PRKCE: variants seen among roughly 807,000 people sequenced by gnomAD.
PRKCE encodes the protein protein kinase C epsilon.
Under a neutral mutation model 85.4 loss-of-function variants are expected in PRKCE, and 16 were observed. The observed-to-expected ratio is 0.19, with a 90% CI of 0.13 to 0.28. PRKCE has a LOEUF of 0.28. Among genes scored for constraint, PRKCE ranks in the 10% least tolerant of loss-of-function variants. The pLI, the probability that PRKCE is intolerant of heterozygous loss-of-function variation, is 1.00. For missense variants in PRKCE, 573 were observed against 975.2 expected, an observed-to-expected ratio of 0.59 and a Z score of 5.49; for synonymous variants, 388 against 371.5, an observed-to-expected ratio of 1.04 and a Z score of -0.51.
At chr2:45,823,520 C>G (rs1051957846) in intron 1 of PRKCE, among the ~76,000 whole-genome samples, 1 of 152,190 alleles carries the variant, frequency 6.6e-6, no homozygotes. Flanking sequence ...GGATTTTCTT[C>G]TACTTGACTA....
intron 1 of PRKCE, among the ~76,000 whole-genome samples, chr2:45,712,681 GGCCTTTT>G (rs958939253): frequency 6.6e-6 from 1 of 152,068 alleles, no homozygotes; most frequent in Non-Finnish European, 1.5e-5. Flanking sequence ...TGCCTGGAAG[GGCCTTTT>G]GCCTTTTTTC....
intron 1 of PRKCE, among the ~76,000 whole-genome samples, chr2:45,660,187 G>C (rs758955097): frequency 4.7e-4 from 72 of 152,146 alleles, no homozygotes; most frequent in Admixed American, 3.3e-4. Context: ...CTGCCTCTGA[G>C]GAGCATGGCA....
At chr2:45,986,257 T>C (rs1023861780) in intron 6 of PRKCE, among the ~76,000 whole-genome samples, 2 of 152,226 alleles carry the variant, frequency 1.3e-5, no homozygotes, top group Non-Finnish European at 2.9e-5. Context: ...GCAGGAGCTG[T>C]CTTAGTGGGA....
intron 1 of PRKCE, among the ~76,000 whole-genome samples, chr2:45,820,347 A>G (rs1431501295): frequency 6.6e-6 from 1 of 152,092 alleles, no homozygotes; most frequent in African/African-American, 2.4e-5. Context: ...GAACTCCAGG[A>G]TCGAGAGGGT....
chr2:45,889,719 C>T (rs932714571), intron 2 of PRKCE, among the ~76,000 whole-genome samples: 7 of 152,178 alleles, frequency 4.6e-5, no homozygotes, highest in African/African-American at 1.4e-4. Flanking sequence ...GTTGTATCTG[C>T]AGAATTATGA....
chr2:45,764,328 G>A (rs1684741281), intron 1 of PRKCE, among the ~76,000 whole-genome samples: 1 of 152,138 alleles, frequency 6.6e-6, no homozygotes, highest in Non-Finnish European at 1.5e-5. Flanking sequence ...TCAAACACGT[G>A]GTTTAAGAGC....
At chr2:45,965,101 T>G (rs1335740305) in intron 2 of PRKCE, among the ~76,000 whole-genome samples, 3 of 152,254 alleles carry the variant, frequency 2.0e-5, no homozygotes, top group Non-Finnish European at 4.4e-5. Context: ...CAGACGTTTC[T>G]GATTCTTATT....
At chr2:45,735,145 C>T (rs918180161) in intron 1 of PRKCE, among the ~76,000 whole-genome samples, 1 of 152,212 alleles carries the variant, frequency 6.6e-6, no homozygotes, top group South Asian at 2.1e-4. Context: ...GAGCCCTGGG[C>T]GCATGATGTG....
intron 6 of PRKCE, among the ~76,000 whole-genome samples, chr2:45,989,281 G>A (rs1005869209): frequency 2.0e-5 from 3 of 152,194 alleles, no homozygotes; most frequent in Non-Finnish European, 2.9e-5. Context: ...CTTCTTCCTC[G>A]CTCCTGCCTC....
At position 46,012,014 on chromosome 2, in the gene PRKCE, A is replaced by T. The variant is rs192753352; in HGVS notation, c.1437+1497A>T. On this transcript the variant is annotated intron_variant, in intron 10 of 14. Transcript: ENST00000306156. Reference sequence around the variant, plus strand: ...TTTCTGCACAAGTATAAGAATTACTAACTCTTCTCATTTTTCATGTGTGTT... The same window carrying T: ...TTTCTGCACAAGTATAAGAATTACTTACTCTTCTCATTTTTCATGTGTGTT... 1.3e-3 allele frequency among the ~76,000 whole-genome samples: 198 copies of T among 152,326 alleles called. 1 individual carries two copies. Among genetic ancestry groups the T allele is most frequent in the Non-Finnish European group, 1.3e-3 (86 of 68,028 alleles).
intron 10 of PRKCE, among the ~76,000 whole-genome samples, chr2:46,055,494 A>G (rs548919347): frequency 6.6e-6 from 1 of 152,346 alleles, no homozygotes; most frequent in Admixed American, 6.5e-5. Flanking sequence ...CATCAAAGCT[A>G]GTTATCTGGC....
intron 1 of PRKCE, among the ~76,000 whole-genome samples, chr2:45,752,007 C>T (rs1307764542): frequency 6.7e-6 from 1 of 148,984 alleles, no homozygotes; most frequent in Admixed American, 6.7e-5. Flanking sequence ...TTAGTAGAGA[C>T]GGGGTTTCAC....
chr2:45,662,243 A>T (rs562003983), intron 1 of PRKCE, among the ~76,000 whole-genome samples: 1 of 152,224 alleles, frequency 6.6e-6, no homozygotes, highest in East Asian at 1.9e-4. Context: ...TGAATATGCC[A>T]GGTGCTATGC....
intron 2 of PRKCE, among the ~76,000 whole-genome samples, chr2:45,968,148 C>T (rs145785893): frequency 1.4e-4 from 21 of 152,238 alleles, no homozygotes; most frequent in East Asian, 5.8e-4. Context: ...TCCAGGCATA[C>T]GTCTGTGTGT....
In PRKCE at chr2:46,104,300, T is replaced by TTTTTTGG. The variant is rs201973904; in HGVS notation, c.1592+17943_1592+17944insGGTTTTT. 6.6e-5 allele frequency among the ~76,000 whole-genome samples: 8 copies of TTTTTTGG among 121,320 alleles called. No individual in the cohort carries two copies. The East Asian group carries it at 2.5e-3, about 38-fold the overall frequency. 79.6% of individuals were successfully genotyped at this position (121,320 alleles called of 152,430 possible). A position where few individuals can be genotyped will look rare whatever the true frequency, so the allele number is the denominator to read the frequency against. ...CTTGAAACCCTTCACCTTGTACTTT[T>TTTTTTGG]TTTTTTTTTTTTTTGCCATATCTGC... On this transcript the variant is annotated intron_variant, in intron 11 of 14. Coordinates refer to ENST00000306156, the MANE Select transcript of PRKCE (RefSeq NM_005400.3).
intron 8 of PRKCE, among the ~76,000 whole-genome samples, chr2:46,005,762 G>A (rs773765452): frequency 1.3e-5 from 2 of 152,178 alleles, no homozygotes; most frequent in African/African-American, 2.4e-5. Flanking sequence ...GTCCCTCTTC[G>A]TGCTACTCCA....
chr2:45,862,666 G>T (rs560662564), intron 2 of PRKCE, among the ~76,000 whole-genome samples: 1 of 152,268 alleles, frequency 6.6e-6, no homozygotes, highest in South Asian at 2.1e-4. Context: ...TACAGATCAC[G>T]GGAACCAGGT....
chr2:45,930,440 C>A (rs1026952065), intron 2 of PRKCE, among the ~76,000 whole-genome samples: 1 of 152,194 alleles, frequency 6.6e-6, no homozygotes, highest in South Asian at 2.1e-4. Flanking sequence ...ATAAATCTTA[C>A]AAACATAAGG....
At chr2:45,944,608 T>G (rs1700108117) in intron 2 of PRKCE, among the ~76,000 whole-genome samples, 1 of 147,718 alleles carries the variant, frequency 6.8e-6, no homozygotes, top group Admixed American at 6.8e-5. Context: ...CCCGCCTCAG[T>G]CTCCCAAGTA....
Sources: allele counts gnomAD v4.1 joint callset (sites outside exome capture counted in the v4.1 genomes callset), GRCh38; gene constraint gnomAD v4.1.1; transcripts MANE v1.5; gene names NCBI Gene and HGNC (gene_info 2026-07-23, HGNC 2026-07-21).